CLEC6A: variants seen among roughly 807,000 people sequenced by gnomAD.
CLEC6A encodes C-type lectin domain family 6 member A.
A neutral mutation model predicts 25.7 loss-of-function variants in CLEC6A; 22 were observed. The observed-to-expected ratio is 0.85, with a 90% CI of 0.61 to 1.22. CLEC6A has a LOEUF of 1.22. CLEC6A is among the 50% of genes most tolerant of loss of function. The pLI is 0.00. For synonymous variants in CLEC6A, 92 were observed against 76.7 expected, an observed-to-expected ratio of 1.20 and a Z score of -1.04; for missense variants, 240 against 236.8, an observed-to-expected ratio of 1.01 and a Z score of -0.09.
rs550398985 is a variant in CLEC6A, at chr12:8,457,109, C to CAA, written c.32-776_32-775dup. 3.5e-4 allele frequency among the ~76,000 whole-genome samples: 46 copies of CAA among 132,226 alleles called. No individual in the cohort carries two copies. In the South Asian group the frequency reaches 5.2e-3, roughly 15 times the overall value. The allele number at this position is 132,226 out of a possible 152,430, so 86.7% of individuals were successfully genotyped here. On this transcript the variant is annotated intron_variant, in intron 1 of 5. Coordinates refer to ENST00000382073, the MANE Select transcript of CLEC6A (RefSeq NM_001007033.2). ...TGGGTGACAGAGTGAGACTCCATGT[C>CAA]AAAAAAAAAAAAAAGTTAACTACAG...
At chr12:8,457,431 G>A (rs1939692012) in intron 1 of CLEC6A, among the ~76,000 whole-genome samples, 1 of 152,176 alleles carries the variant, frequency 6.6e-6, no homozygotes. Flanking sequence ...GGAATAATAT[G>A]CCATTGTATA....
chr12:8,475,328 A>C (rs11045619), intron 4 of CLEC6A, among the ~76,000 whole-genome samples: 118,153 of 147,926 alleles, frequency 0.8, 46,274 homozygotes, highest in East Asian at 0.97. Flanking sequence ...AACTCTCTCT[A>C]TATATATATA....
intron 3 of CLEC6A, among the ~76,000 whole-genome samples, chr12:8,462,379 T>A (rs1484093920): frequency 7.4e-6 from 1 of 135,576 alleles, no homozygotes; most frequent in Non-Finnish European, 1.6e-5. Context: ...AGGATTAGTA[T>A]AAGAGGAAGG....
rs753768710 is a variant in CLEC6A at position 8,477,438 on chromosome 12, T to C, written c.604T>C (p.Cys202Arg). Reference sequence around the variant, plus strand: ...CTGTGAAACTAGAAGGAATTCAATATGTGAGATGAATAAGATTTACCTATG... The same window carrying C: ...CTGTGAAACTAGAAGGAATTCAATACGTGAGATGAATAAGATTTACCTATG... ...VICETRRNSI[C>R]EMNKIYL Residue 202 changes from cysteine (C) to arginine (R), a missense_variant, in exon 6 of 6, where the codon TGT becomes CGT. Physicochemically the swap from Cys to Arg is radical, Grantham distance 180 (BLOSUM62 -3). Coordinates refer to ENST00000382073, the MANE Select transcript of CLEC6A (RefSeq NM_001007033.2). The C allele has an allele frequency of 6.2e-7, 1 of 1,609,534 alleles. No individual in the cohort carries two copies. Among genetic ancestry groups the C allele is most frequent in the South Asian group, 1.1e-5 (1 of 90,364 alleles).
intron 3 of CLEC6A, among the ~76,000 whole-genome samples, chr12:8,463,689 C>T (rs991494760): frequency 1.3e-5 from 2 of 152,168 alleles, no homozygotes; most frequent in African/African-American, 2.4e-5. Flanking sequence ...ATTTATTTCT[C>T]AGTCAGTAGT....
rs1374852021 is a variant in CLEC6A, at chr12:8,457,967, G to C, written c.101G>C (p.Cys34Ser). ...ATTTCCATTGCACTCCTCAGTGCTTGCTTCATTGTGAGCTGTGTAGGTAAG... is the reference window on the plus strand; with the variant it reads ...ATTTCCATTGCACTCCTCAGTGCTTCCTTCATTGTGAGCTGTGTAGGTAAG... ...AGISIALLSA[C>S]FIVSCVVTYH... The change falls in exon 2 of 6, where the codon TGC becomes TCC. Residue 34 changes from cysteine to serine, a missense_variant. Cys to Ser is a moderately radical substitution (Grantham distance 112). Coordinates refer to ENST00000382073, the MANE Select transcript of CLEC6A (RefSeq NM_001007033.2). 6.2e-7 allele frequency: 1 copy of C among 1,612,872 alleles called. No individual in the cohort carries two copies. The highest frequency in any genetic ancestry group is 8.5e-7 in the Non-Finnish European group (1 of 1,178,990).
Position 8,477,309 on chromosome 12 carries a change from T to C in CLEC6A, c.486-11T>C, listed in dbSNP as rs781314503. The C allele has an allele frequency of 8.1e-6, 13 of 1,601,618 alleles. No homozygotes were observed. The highest frequency in any genetic ancestry group is 1.4e-5 in the African/African-American group (1 of 74,054). On this transcript the variant is annotated splice_polypyrimidine_tract_variant and intron_variant, in intron 5 of 5. Transcript: ENST00000382073. Reference sequence around the variant, plus strand: ...TTTGAAGATGTGTACTACCTTTTTGTTTTCCTTTAGATTTTGGCACCTAGG... The same window carrying C: ...TTTGAAGATGTGTACTACCTTTTTGCTTTCCTTTAGATTTTGGCACCTAGG...
At position 8,465,466 on chromosome 12, in the gene CLEC6A, C is replaced by T; in HGVS notation, c.224-18C>T. ...TTATCTTGCACTCACTCTTTTTTTT[C>T]ATGTAACACAAAAATAGCCTGGGGA... is the stretch of plus-strand genomic sequence containing the variant. On this transcript the variant is annotated intron_variant, in intron 3 of 5. Transcript: ENST00000382073. 1 of 1,604,846 alleles carries T rather than the reference C, an allele frequency of 6.2e-7. No homozygotes were observed. Among genetic ancestry groups the T allele is most frequent in the Non-Finnish European group, 8.5e-7 (1 of 1,177,804 alleles).
chr12:8,467,059 G>C (rs1205883643), intron 4 of CLEC6A, among the ~76,000 whole-genome samples: 1 of 152,158 alleles, frequency 6.6e-6, no homozygotes, highest in Non-Finnish European at 1.5e-5. Context: ...TATTGTTGTT[G>C]AGTTGGAGGT....
intron 4 of CLEC6A, among the ~76,000 whole-genome samples, chr12:8,474,825 T>C (rs191128824): frequency 7.9e-5 from 12 of 152,314 alleles, no homozygotes; most frequent in African/African-American, 2.6e-4. Context: ...TCGACTATAG[T>C]TAAAACCTAG....
intron 3 of CLEC6A, among the ~76,000 whole-genome samples, chr12:8,465,052 GAGGCACAATTCTAATTCT>G (rs1939812091): frequency 6.6e-6 from 1 of 152,172 alleles, no homozygotes; most frequent in Non-Finnish European, 1.5e-5. Context: ...GAATTCTAAT[GAGGCACAATTCTAATTCT>G]CATAACCAAC....
intron 4 of CLEC6A, among the ~76,000 whole-genome samples, chr12:8,474,893 TA>T (rs980198534): frequency 9.9e-5 from 15 of 152,168 alleles, no homozygotes; most frequent in African/African-American, 3.4e-4. Flanking sequence ...TTCTTTTTTT[TA>T]AAATTATACT....
intron 3 of CLEC6A, among the ~76,000 whole-genome samples, chr12:8,461,617 T>C (rs891046032): frequency 5.3e-5 from 8 of 152,212 alleles, no homozygotes; most frequent in Non-Finnish European, 1.0e-4. Context: ...TATAATACCA[T>C]GTCAGCAAAT....
At chr12:8,473,918 G>GTTT (rs1185504181) in intron 4 of CLEC6A, among the ~76,000 whole-genome samples, 2 of 151,818 alleles carry the variant, frequency 1.3e-5, no homozygotes, top group Non-Finnish European at 2.9e-5. Flanking sequence ...TTTTTAATGG[G>GTTT]GTTGTTTGTT....
chr12:8,458,071 G>A, intron 2 of CLEC6A, 84 bp downstream of exon 2: 3 of 934,998 alleles, frequency 3.2e-6, no homozygotes, highest in South Asian at 1.4e-5. Flanking sequence ...ATTCTCCTTT[G>A]CCCCATTAAT....
intron 4 of CLEC6A, among the ~76,000 whole-genome samples, chr12:8,468,222 C>A (rs1157437918): frequency 6.6e-6 from 1 of 152,158 alleles, no homozygotes; most frequent in African/African-American, 2.4e-5. Flanking sequence ...GGATTACAGG[C>A]GTGAGCCACC....
intron 3 of CLEC6A, among the ~76,000 whole-genome samples, chr12:8,464,115 T>C (rs1253161389): frequency 6.6e-6 from 1 of 152,196 alleles, no homozygotes; most frequent in African/African-American, 2.4e-5. Flanking sequence ...ATAATATAGG[T>C]ATGGTTAATC....
intron 4 of CLEC6A, among the ~76,000 whole-genome samples, chr12:8,473,410 A>G (rs1328659723): frequency 6.6e-6 from 1 of 152,120 alleles, no homozygotes; most frequent in African/African-American, 2.4e-5. Flanking sequence ...CATGATTTAA[A>G]TCATTTTAAT....
chr12:8,457,695 T>C (rs4255605), intron 1 of CLEC6A, among the ~76,000 whole-genome samples: 112,152 of 152,124 alleles, frequency 0.74, 42,052 homozygotes, highest in East Asian at 0.99. Context: ...GTTGGTTGAG[T>C]GTATGTTTTA....
Sources: allele counts gnomAD v4.1 joint callset (sites outside exome capture counted in the v4.1 genomes callset), GRCh38; gene constraint gnomAD v4.1.1; transcripts MANE v1.5; gene names NCBI Gene and HGNC (gene_info 2026-07-23, HGNC 2026-07-21).